Variants in BRD4 observed in about 807,000 individuals in gnomAD.
BRD4 encodes the protein bromodomain containing 4, also known as bromodomain-containing protein 4.
A neutral mutation model predicts 142.1 loss-of-function variants in BRD4; 16 were observed. The observed-to-expected ratio is 0.11, with a 90% CI of 0.08 to 0.17. The LOEUF is 0.17. BRD4 is among the 10% of genes least tolerant of loss of function. The pLI, the probability that BRD4 is intolerant of heterozygous loss-of-function variation, is 1.00. For missense variants in BRD4, 1,424 were observed against 1,810.9 expected (o/e 0.79, Z 3.88); for synonymous variants, 833 against 707.5 (o/e 1.18, Z -2.82).
chr19:15,250,190 C>T lies in BRD4; in HGVS notation c.2158+3962G>A, dbSNP rs560564229. ...TCCACAAGGCTCGCCCTCACCCGCCCATGAAGCCCCAGAATCCCTCCAGCT... is the reference window on the plus strand; with the variant it reads ...TCCACAAGGCTCGCCCTCACCCGCCTATGAAGCCCCAGAATCCCTCCAGCT... On this transcript the variant is annotated intron_variant, in intron 11 of 19. Coordinates refer to ENST00000679869, the MANE Select transcript of BRD4 (RefSeq NM_001379291.1). 8.5e-5 allele frequency among the ~76,000 whole-genome samples: 13 copies of T among 152,358 alleles called. No individual in the cohort carries two copies. The East Asian group carries it at 2.5e-3, about 29-fold the overall frequency.
At chr19:15,311,276 A>G (rs1032493985) in intron 1 of BRD4, among the ~76,000 whole-genome samples, 1 of 150,350 alleles carries the variant, frequency 6.7e-6, no homozygotes, top group African/African-American at 2.4e-5. Context: ...TGGGCAACAG[A>G]GCGAAACTCT....
intron 1 of BRD4, 90 bp from the exon 2 acceptor site, chr19:15,273,223 G>T: frequency 7.4e-7 from 1 of 1,349,270 alleles, no homozygotes; most frequent in South Asian, 1.5e-5. Context: ...TGGTCTCCAA[G>T]GACTGAGTTC....
intron 1 of BRD4, among the ~76,000 whole-genome samples, chr19:15,311,222 G>A (rs1055527451): frequency 1.3e-5 from 2 of 152,094 alleles, no homozygotes; most frequent in Admixed American, 6.6e-5. Context: ...AGCACAGGAG[G>A]CGGAGGTTGC....
intron 4 of BRD4, among the ~76,000 whole-genome samples, chr19:15,266,995 T>C (rs191073184): frequency 4.6e-5 from 7 of 152,318 alleles, no homozygotes; most frequent in Non-Finnish European, 1.5e-5. Flanking sequence ...CTGACACCAG[T>C]GCATTAAGGT....
chr19:15,259,272 C>T (rs1381961653), intron 7 of BRD4, among the ~76,000 whole-genome samples: 1 of 152,192 alleles, frequency 6.6e-6, no homozygotes, highest in Non-Finnish European at 1.5e-5. Context: ...ATCAGCTATG[C>T]CTCCCAGGAC....
In BRD4 at chr19:15,256,992, G is replaced by A. The variant is rs2145575643; in HGVS notation, c.1523C>T (p.Ala508Val). ...CTCCTGGAGCTCAGCCAGCCGCTGG[G>A]CTCGCTCCTCCTCAGAGTCATCAGT... ...SSTDDSEEER[A>V]QRLAELQEQL... Residue 508 changes from alanine to valine, a missense_variant, in exon 8 of 20, where the codon GCC becomes GTC. By Grantham distance (64) the Ala-to-Val change is moderately conservative (BLOSUM62 0). Around this residue, in one of 16 missense-constraint regions of BRD4, gnomAD observed 90 missense variants for 93.2 expected, o/e 0.97. Transcript: ENST00000679869. 1 of 1,584,724 alleles carries A rather than the reference G, an allele frequency of 6.3e-7. No homozygotes were observed. The highest frequency in any genetic ancestry group is 8.6e-7 in the Non-Finnish European group (1 of 1,166,546).
chr19:15,303,785 C>T (rs1042338042), intron 1 of BRD4, among the ~76,000 whole-genome samples: 3 of 152,208 alleles, frequency 2.0e-5, no homozygotes, highest in African/African-American at 7.2e-5. Flanking sequence ...AGAGCTCACA[C>T]AACCACTTCT....
intron 1 of BRD4, among the ~76,000 whole-genome samples, chr19:15,286,602 A>C (rs2047742023): frequency 6.6e-6 from 1 of 152,164 alleles, no homozygotes; most frequent in Non-Finnish European, 1.5e-5. Flanking sequence ...TTCCTTACTA[A>C]ATCTGTGAAA....
Position 15,257,075 on chromosome 19 carries a change from C to T in BRD4, c.1440G>A (p.Val480=). 6.2e-7 allele frequency: 1 copy of T among 1,606,240 alleles called. No individual in the cohort carries two copies. Among genetic ancestry groups the T allele is most frequent in the Non-Finnish European group, 8.5e-7 (1 of 1,178,304 alleles). The change falls in exon 8 of 20, where the codon GTG becomes GTA. Residue 480 remains valine, a synonymous_variant. Transcript: ENST00000679869. ...TGCTGTCGCTGGATGAGGGCGGGGC[C>T]ACAACCTTGGTGGGAGGGGGCACTG... The part of the protein sequence containing the change: ...SPAVPPPTKV[V]APPSSSDSSS...
At chr19:15,277,216 C>T (rs554911686) in intron 1 of BRD4, among the ~76,000 whole-genome samples, 70 of 152,284 alleles carry the variant, frequency 4.6e-4, no homozygotes, top group African/African-American at 1.6e-3. Context: ...AATCCAAAGG[C>T]GGCTACATAA....
At chr19:15,322,629 G>A (rs1176388578) in intron 1 of BRD4, among the ~76,000 whole-genome samples, 15 of 141,618 alleles carry the variant, frequency 1.1e-4, no homozygotes, top group African/African-American at 4.0e-4. Flanking sequence ...GAGGCAGGCA[G>A]ATCACGAGGT....
Position 15,244,610 on chromosome 19 carries a change from G to C in BRD4, c.2212-10C>G. Reference sequence around the variant, plus strand: ...GGTGGTGATGATGGTGCTGCAGACAGAGAGACAGACAGACAGACAGGCTGA... The same window carrying C: ...GGTGGTGATGATGGTGCTGCAGACACAGAGACAGACAGACAGACAGGCTGA... On this transcript the variant is annotated splice_polypyrimidine_tract_variant and intron_variant, in intron 12 of 19. Coordinates refer to ENST00000679869, the MANE Select transcript of BRD4 (RefSeq NM_001379291.1). 6.2e-7 allele frequency: 1 copy of C among 1,613,072 alleles called. No homozygotes were observed. The highest frequency in any genetic ancestry group is 8.5e-7 in the Non-Finnish European group (1 of 1,179,832).
At chr19:15,267,997 C>T (rs1030634583) in intron 3 of BRD4, among the ~76,000 whole-genome samples, 2 of 152,234 alleles carry the variant, frequency 1.3e-5, no homozygotes, top group East Asian at 1.9e-4. Context: ...GGGCACTGCA[C>T]ATCTCACACT....
intron 7 of BRD4, among the ~76,000 whole-genome samples, chr19:15,262,643 A>C (rs2047485826): frequency 6.6e-6 from 1 of 151,990 alleles, no homozygotes; most frequent in Admixed American, 6.6e-5. Context: ...GGATCGCTTG[A>C]ACCTGGAAGG....
At position 15,238,461 on chromosome 19, in the gene BRD4, A is replaced by C. The variant is rs767955897; in HGVS notation, c.4021-16T>G. 2.5e-6 allele frequency: 4 copies of C among 1,613,926 alleles called. No homozygotes were observed. The African/African-American group carries it at 4.0e-5, about 16-fold the overall frequency. ...TAGCTGCCATCTGGAGGAGAAAGGA[A>C]GGAGGGAGTCAGGAGGATGACCTAG... On this transcript the variant is annotated splice_polypyrimidine_tract_variant and intron_variant, in intron 19 of 19. Transcript: ENST00000679869. This position sits in a 1 kb window ranked among gnomAD's most constrained non-coding sequence, Gnocchi z 7.2.
At chr19:15,315,302 T>G (rs145426083) in intron 1 of BRD4, among the ~76,000 whole-genome samples, 5 of 152,188 alleles carry the variant, frequency 3.3e-5, no homozygotes, top group African/African-American at 9.6e-5. Context: ...ACAGGGGTAT[T>G]AGGATCTTGT....
In BRD4 at chr19:15,264,576, C is replaced by T. The variant is rs769976924; in HGVS notation, c.1040G>A (p.Ser347Asn). 13 of 1,614,094 alleles carry T rather than the reference C, an allele frequency of 8.1e-6. No individual in the cohort carries two copies. The highest frequency in any genetic ancestry group is 1.7e-5 in the Admixed American group (1 of 60,008). The change falls in exon 6 of 20, where the codon AGC becomes AAC. Residue 347 changes from serine (S) to asparagine (N), a missense_variant. By Grantham distance (46) the Ser-to-Asn change is conservative (BLOSUM62 1). Coordinates refer to ENST00000679869, the MANE Select transcript of BRD4 (RefSeq NM_001379291.1). ...CTTGAGCTGCTCCGAGACCTTGCTG[C>T]TCTTCTCTGGTGCTGGGTGCTGCTG... is the stretch of plus-strand genomic sequence containing the variant. ...DSQQHPAPEK[S>N]SKVSEQLKCC... is the part of the protein sequence containing the mutation.
At chr19:15,265,715 A>C in intron 4 of BRD4, 72 bp from the exon 5 acceptor site, 2 of 1,485,740 alleles carry the variant, frequency 1.3e-6, no homozygotes, top group Non-Finnish European at 1.9e-6. Flanking sequence ...TCGTGGGGAC[A>C]TACACCACAC....
At chr19:15,309,014 C>CAACAAACA (rs539315954) in intron 1 of BRD4, among the ~76,000 whole-genome samples, 1 of 150,888 alleles carries the variant, frequency 6.6e-6, no homozygotes, top group Admixed American at 6.6e-5. Flanking sequence ...GACTCCATCT[C>CAACAAACA]AACAAACAAA....
Sources: gnomAD v4.1 joint callset for allele counts (sites outside exome capture counted in the v4.1 genomes callset) on GRCh38, gnomAD v4.1.1 for gene constraint, gnomAD v4.1.1 regional missense constraint, Gnocchi (gnomAD v3.1) non-coding constraint, MANE v1.5 for transcripts, NCBI Gene and HGNC (gene_info 2026-07-23, HGNC 2026-07-21) for gene names.